Variants in TTYH3 observed in about 807,000 individuals in gnomAD.
TTYH3 encodes the protein tweety family member 3.
In TTYH3, 23 loss-of-function variants were observed where a neutral mutation model predicts 68.2. The ratio of observed to expected loss-of-function variants is 0.34; its 90% CI spans 0.24 to 0.48. TTYH3 has a LOEUF of 0.48. Among genes scored for constraint, TTYH3 ranks in the 20% least tolerant of loss-of-function variants. The pLI, the probability that TTYH3 is intolerant of heterozygous loss-of-function variation, is 0.99. For missense variants in TTYH3, 768 were observed against 727.7 expected (o/e 1.06, Z -0.64); for synonymous variants, 360 against 332.8 (o/e 1.08, Z -0.89).
chr7:2,635,165 G>A (rs1785624868), intron 1 of TTYH3, among the ~76,000 whole-genome samples: 1 of 152,194 alleles, frequency 6.6e-6, no homozygotes, highest in African/African-American at 2.4e-5. Context: ...CAGCTGAGCT[G>A]GCAGGGCTGG....
chr7:2,652,517 G>C (rs1025049687), intron 8 of TTYH3, among the ~76,000 whole-genome samples: 1 of 152,226 alleles, frequency 6.6e-6, no homozygotes, highest in South Asian at 2.1e-4. Context: ...GCCTTGGTGG[G>C]GGAAGGAGGA....
chr7:2,661,970 G>A lies in TTYH3; in HGVS notation c.*231G>A, dbSNP rs1786510722. The A allele has an allele frequency of 2.0e-5, 12 of 604,338 alleles. No homozygotes were observed. Among genetic ancestry groups the A allele is most frequent in the Admixed American group, 1.2e-4 (4 of 34,610 alleles). The allele number at this position is 604,338 out of a possible 1,614,324, so 37.4% of individuals were successfully genotyped here. On this transcript the variant is annotated 3_prime_UTR_variant, in exon 14 of 14. Coordinates refer to ENST00000258796, the MANE Select transcript of TTYH3 (RefSeq NM_025250.3). ...TCACACCTGAACGCTGCTGCCAGCC[G>A]ATGCCCCAGCCCTGCACGCCACCCA...
At position 2,658,323 on chromosome 7, in the gene TTYH3, G is replaced by C; in HGVS notation, c.1288G>C (p.Gly430Arg). 1 of 1,601,452 alleles carries C rather than the reference G, an allele frequency of 6.2e-7. No homozygotes were observed. Residue 430 changes from glycine (G) to arginine (R), a missense_variant, in exon 12 of 14, where the codon GGG becomes CGG. Transcript: ENST00000258796. The part of the protein sequence containing the change: ...DEDGEEEAAP[G>R]PRQAHDSLYR... The stretch of plus-strand genomic sequence containing the variant: ...GGACGGGGAGGAGGAGGCCGCTCCA[G>C]GGCCGCGGCAGGCGCACGACAGCCT...
chr7:2,649,749 G>A (rs772007075), intron 6 of TTYH3, 110 bp downstream of exon 6: 48 of 1,462,724 alleles, frequency 3.3e-5, no homozygotes, highest in African/African-American at 4.2e-5. Flanking sequence ...ACTGGGTCCC[G>A]AGAGCGGTGG....
chr7:2,640,297 C>T (rs2114976340), intron 1 of TTYH3, among the ~76,000 whole-genome samples: 1 of 152,338 alleles, frequency 6.6e-6, no homozygotes, highest in East Asian at 1.9e-4. Flanking sequence ...GCCACGGTAG[C>T]CCACAGGTTG....
At chr7:2,642,220 C>T (rs1453565502) in intron 1 of TTYH3, among the ~76,000 whole-genome samples, 1 of 152,060 alleles carries the variant, frequency 6.6e-6, no homozygotes, top group African/African-American at 2.4e-5. Flanking sequence ...CATAGCCAGA[C>T]CCTGTCTTTA....
intron 4 of TTYH3, 32 bp from the exon 5 acceptor site, chr7:2,647,927 G>A: frequency 6.2e-7 from 1 of 1,601,734 alleles, no homozygotes; most frequent in Non-Finnish European, 8.5e-7. Flanking sequence ...CCGGGTCCCT[G>A]TGCCCTGGCG....
Position 2,656,470 on chromosome 7 carries a change from T to TTC in TTYH3, c.1187_1188dup (p.Val397SerfsTer80). On this transcript the variant is annotated frameshift_variant, in exon 11 of 14. Transcript: ENST00000258796. LOFTEE classifies it high-confidence loss of function. ...CCTCATCTACCTGGCCCTCTTCTCC[T>TTC]TCGTCACAGCCCTCATGTTCAGCTC... 1 of 1,612,258 alleles carries TTC rather than the reference T, an allele frequency of 6.2e-7. No homozygotes were observed. The highest frequency in any genetic ancestry group is 2.2e-5 in the East Asian group (1 of 44,818).
In TTYH3 at chr7:2,647,386, C is replaced by T. The variant is rs1334580724; in HGVS notation, c.406-32C>T. The T allele has an allele frequency of 2.0e-6, 3 of 1,467,642 alleles. No homozygotes were observed. In the African/African-American group the frequency reaches 4.3e-5, roughly 21 times the overall value. The allele number at this position is 1,467,642 out of a possible 1,614,324, so 90.9% of individuals were successfully genotyped here. A position where few individuals can be genotyped will look rare whatever the true frequency, so the allele number is the denominator to read the frequency against. On this transcript the variant is annotated intron_variant, in intron 3 of 13. Coordinates refer to ENST00000258796, the MANE Select transcript of TTYH3 (RefSeq NM_025250.3). Reference sequence around the variant, plus strand: ...CAGACTCTGGGGCGAGGCGGGCGCGCTCCCAGCCTCACGCCCGCGGGTCCG... The same window carrying T: ...CAGACTCTGGGGCGAGGCGGGCGCGTTCCCAGCCTCACGCCCGCGGGTCCG...
rs575344268 is a variant in TTYH3 at position 2,633,375 on chromosome 7, G to A, written c.123+1097G>A. Among the ~76,000 whole-genome samples, 238 of 152,290 alleles carry A rather than the reference G, an allele frequency of 1.6e-3. 1 individual carries two copies. Among genetic ancestry groups the A allele is most frequent in the Middle Eastern group, 0.014 (4 of 294 alleles). On this transcript the variant is annotated intron_variant, in intron 1 of 13. Coordinates refer to ENST00000258796, the MANE Select transcript of TTYH3 (RefSeq NM_025250.3). ...CCTCCCGCATCCAGAGGAGGGAGGC[G>A]GAAGTGGAGGAGCAGGGCACCTGGG...
At chr7:2,659,834 C>T (rs921561796) in intron 13 of TTYH3, 11 of 1,223,410 alleles carry the variant, frequency 9.0e-6, no homozygotes, top group African/African-American at 1.6e-5. Context: ...CCCTCGTCCT[C>T]GCCATCACAC....
chr7:2,653,508 A>G (rs1786248086), intron 9 of TTYH3, among the ~76,000 whole-genome samples: 1 of 152,142 alleles, frequency 6.6e-6, no homozygotes, highest in Non-Finnish European at 1.5e-5. Context: ...ATTTGAGAGG[A>G]TTCTTGTTTT....
chr7:2,658,733 G>A (rs914508501), intron 12 of TTYH3, among the ~76,000 whole-genome samples: 2 of 152,216 alleles, frequency 1.3e-5, no homozygotes, highest in African/African-American at 2.4e-5. Context: ...TGGCTCGGAG[G>A]GAGTGGACTC....
In TTYH3 at chr7:2,647,955, G is replaced by A; in HGVS notation, c.627-4G>A. On this transcript the variant is annotated splice_polypyrimidine_tract_variant and splice_region_variant and intron_variant, in intron 4 of 13. Coordinates refer to ENST00000258796, the MANE Select transcript of TTYH3 (RefSeq NM_025250.3). ...CCCTGGCGCACTCCCAGGTTTGCCT[G>A]CAGGTGGCTGGGCTACCTGGGCCTG... 2 of 1,606,968 alleles carry A rather than the reference G, an allele frequency of 1.2e-6. No individual in the cohort carries two copies. Among genetic ancestry groups the A allele is most frequent in the Non-Finnish European group, 8.5e-7 (1 of 1,179,846 alleles).
intron 7 of TTYH3, among the ~76,000 whole-genome samples, chr7:2,651,314 T>A (rs1375267694): frequency 1.3e-5 from 2 of 152,178 alleles, no homozygotes; most frequent in East Asian, 3.8e-4. Flanking sequence ...GTTTTTTACC[T>A]GCCTTTGTTG....
rs2115002170 is a variant in TTYH3, at chr7:2,662,063, T to C, written c.*324T>C. The C allele has an allele frequency of 1.9e-6, 1 of 521,512 alleles. No individual in the cohort carries two copies. Among genetic ancestry groups the C allele is most frequent in the Non-Finnish European group, 3.5e-6 (1 of 287,892 alleles). The allele number at this position is 521,512 out of a possible 1,614,324, so 32.3% of individuals were successfully genotyped here. A position where few individuals can be genotyped will look rare whatever the true frequency, so the allele number is the denominator to read the frequency against. ...AAGCCCTGGCCGCACCCAACCTGTG[T>C]TGTTGCCGCCCGGCCCTTCCCTCCA... On this transcript the variant is annotated 3_prime_UTR_variant, in exon 14 of 14. Coordinates refer to ENST00000258796, the MANE Select transcript of TTYH3 (RefSeq NM_025250.3).
At chr7:2,658,145 C>T (rs544181231) in intron 11 of TTYH3, 141 bp from the exon 12 acceptor site, 8 of 832,166 alleles carry the variant, frequency 9.6e-6, no homozygotes, top group African/African-American at 8.6e-5. Context: ...GACCTGCCCA[C>T]AGTCCCACAT....
At chr7:2,634,937 G>C (rs1248849288) in intron 1 of TTYH3, among the ~76,000 whole-genome samples, 1 of 152,250 alleles carries the variant, frequency 6.6e-6, no homozygotes, top group East Asian at 1.9e-4. Flanking sequence ...CCTTGCCGCT[G>C]GGGGTGTGAC....
chr7:2,661,650 C>G lies in TTYH3; in HGVS notation c.1501-18C>G. The G allele has an allele frequency of 6.2e-7, 1 of 1,610,690 alleles. No homozygotes were observed. Among genetic ancestry groups the G allele is most frequent in the Non-Finnish European group, 8.5e-7 (1 of 1,178,904 alleles). On this transcript the variant is annotated intron_variant, in intron 13 of 13. Coordinates refer to ENST00000258796, the MANE Select transcript of TTYH3 (RefSeq NM_025250.3). ...CATGCAGGGGCCCTGCTGATGCCTCCCCCTTGTCTCCCTCCAGTACACCTC... is the reference window on the plus strand; with the variant it reads ...CATGCAGGGGCCCTGCTGATGCCTCGCCCTTGTCTCCCTCCAGTACACCTC...
Sources: allele counts gnomAD v4.1 joint callset (sites outside exome capture counted in the v4.1 genomes callset), GRCh38; gene constraint gnomAD v4.1.1; transcripts MANE v1.5; gene names NCBI Gene and HGNC (gene_info 2026-07-23, HGNC 2026-07-21).